GGCX: variants seen among roughly 807,000 people sequenced by gnomAD.
GGCX encodes the protein gamma-glutamyl carboxylase, also known as vitamin K-dependent gamma-carboxylase.
A neutral mutation model predicts 88.5 loss-of-function variants in GGCX; 63 were observed. That is an observed-to-expected ratio of 0.71 (90% CI 0.58 to 0.88). The LOEUF (loss-of-function observed/expected upper bound fraction) is 0.88. GGCX is among the 40% of genes least tolerant of loss of function. The pLI is 0.00. For missense variants in GGCX, 805 were observed against 932.9 expected, an observed-to-expected ratio of 0.86 and a Z score of 1.79; for synonymous variants, 368 against 365.8, an observed-to-expected ratio of 1.01 and a Z score of -0.07.
intron 2 of GGCX, 85 bp downstream of exon 2, chr2:85,560,730 G>A: frequency 2.9e-6 from 3 of 1,026,384 alleles, no homozygotes; most frequent in Non-Finnish European, 4.7e-6. Context: ...GAGGAAAAGG[G>A]AGCTAAGTCT....
intron 8 of GGCX, 75 bp from the exon 9 acceptor site, chr2:85,553,145 CA>C (rs1385717525): frequency 6.2e-7 from 1 of 1,606,540 alleles, no homozygotes; most frequent in Non-Finnish European, 8.5e-7. Context: ...GAAGGGGCTG[CA>C]AAACCAGCCC....
Position 85,551,205 on chromosome 2 carries a change from C to T in GGCX, c.1741-133G>A. 3 of 917,756 alleles carry T rather than the reference C, an allele frequency of 3.3e-6. No homozygotes were observed. In the East Asian group the frequency reaches 7.5e-5, roughly 23 times the overall value. The allele number at this position is 917,756 out of a possible 1,614,324, so 56.9% of individuals were successfully genotyped here. On this transcript the variant is annotated intron_variant, in intron 12 of 14. Transcript: ENST00000233838. ...ATCGAAAGTAACGGACCTCTAGAAT[C>T]CTGGATGAGGCTCTTCACAGTCCCA... is the stretch of plus-strand genomic sequence containing the variant.
chr2:85,545,410 C>G lies in GGCX; in HGVS notation c.*4524G>C, dbSNP rs1573311305. ...GTTGGAGGCTGTAGCGAACCATTAT[C>G]AAGCCACTGCACTCCAGCCTGGGTG... On this transcript the variant is annotated 3_prime_UTR_variant, in exon 15 of 15. Coordinates refer to ENST00000233838, the MANE Select transcript of GGCX (RefSeq NM_000821.7). The G allele has an allele frequency of 6.6e-6, 1 of 152,386 alleles. No individual in the cohort carries two copies. Among genetic ancestry groups the G allele is most frequent in the Non-Finnish European group, 1.5e-5 (1 of 68,042 alleles). The allele number at this position is 152,386 out of a possible 1,614,324, so 9.4% of individuals were successfully genotyped here.
intron 1 of GGCX, 93 bp downstream of exon 1, chr2:85,561,293 T>G: frequency 1.4e-4 from 42 of 299,286 alleles, no homozygotes; most frequent in Non-Finnish European, 2.0e-4. Flanking sequence ...CCCCCCCGCC[T>G]CACCGGGAGA....
At chr2:85,556,559 A>G (rs1200201054) in intron 4 of GGCX, among the ~76,000 whole-genome samples, 1 of 152,224 alleles carries the variant, frequency 6.6e-6, no homozygotes, top group African/African-American at 2.4e-5. Context: ...AAAATTACTG[A>G]AAAAGGGGAG....
At chr2:85,550,504 A>C (rs1476395720) in intron 14 of GGCX, 51 bp downstream of exon 14, 1 of 1,386,068 alleles carries the variant, frequency 7.2e-7, no homozygotes, top group Non-Finnish European at 1.0e-6. Context: ...GGGGAAAGTT[A>C]CCAAGCTTGC....
Position 85,545,416 on chromosome 2 carries a change from A to G in GGCX, c.*4518T>C, listed in dbSNP as rs953366242. The G allele has an allele frequency of 1.3e-5, 2 of 152,412 alleles. No individual in the cohort carries two copies. The highest frequency in any genetic ancestry group is 4.8e-5 in the African/African-American group (2 of 41,438). The allele number at this position is 152,412 out of a possible 1,614,324, so 9.4% of individuals were successfully genotyped here. On this transcript the variant is annotated 3_prime_UTR_variant, in exon 15 of 15. Coordinates refer to ENST00000233838, the MANE Select transcript of GGCX (RefSeq NM_000821.7). The stretch of plus-strand genomic sequence containing the variant: ...GGCTGTAGCGAACCATTATCAAGCC[A>G]CTGCACTCCAGCCTGGGTGACTGAG...
intron 4 of GGCX, among the ~76,000 whole-genome samples, chr2:85,557,638 G>A (rs1288096499): frequency 6.6e-6 from 1 of 152,122 alleles, no homozygotes; most frequent in East Asian, 1.9e-4. Flanking sequence ...CGGACACAGT[G>A]GCTCATGCCT....
chr2:85,559,248 G>T (rs1437809099), intron 2 of GGCX, among the ~76,000 whole-genome samples, 173 bp from the exon 3 acceptor site: 1 of 152,186 alleles, frequency 6.6e-6, no homozygotes, highest in African/African-American at 2.4e-5. Context: ...TACTACATCT[G>T]TTGTGCCATC....
Position 85,547,534 on chromosome 2 carries a change from T to C in GGCX, c.*2400A>G, listed in dbSNP as rs1287851104. ...TTGCCCATATTTAGAAAAATACTTTTTCAAGTGTCTTCTCCCAAGTAACTC... is the reference window on the plus strand; with the variant it reads ...TTGCCCATATTTAGAAAAATACTTTCTCAAGTGTCTTCTCCCAAGTAACTC... On this transcript the variant is annotated 3_prime_UTR_variant, in exon 15 of 15. Transcript: ENST00000233838. 6.6e-6 allele frequency: 1 copy of C among 152,246 alleles called. No homozygotes were observed. Among genetic ancestry groups the C allele is most frequent in the African/African-American group, 2.4e-5 (1 of 41,456 alleles). The allele number at this position is 152,246 out of a possible 1,614,324, so 9.4% of individuals were successfully genotyped here.
chr2:85,555,631 C>CT (rs750480507), intron 5 of GGCX, 41 bp from the exon 6 acceptor site: 2 of 1,073,284 alleles, frequency 1.9e-6, no homozygotes, highest in South Asian at 2.5e-5. Context: ...CAAAAAGAAT[C>CT]TTTTCTACAG....
rs1484591520 is a variant in GGCX, at chr2:85,545,419, GC to G, written c.*4514del. 3 of 152,380 alleles carry G rather than the reference GC, an allele frequency of 2.0e-5. No homozygotes were observed. The highest frequency in any genetic ancestry group is 2.1e-4 in the South Asian group (1 of 4,832). 9.4% of individuals were successfully genotyped at this position (152,380 alleles called of 1,614,324 possible). On this transcript the variant is annotated 3_prime_UTR_variant, in exon 15 of 15. Coordinates refer to ENST00000233838, the MANE Select transcript of GGCX (RefSeq NM_000821.7). ...TGTAGCGAACCATTATCAAGCCACT[GC>G]ACTCCAGCCTGGGTGACTGAGACTT...
rs1691735101 is a variant in GGCX, at chr2:85,547,473, G to A, written c.*2461C>T. On this transcript the variant is annotated 3_prime_UTR_variant, in exon 15 of 15. Coordinates refer to ENST00000233838, the MANE Select transcript of GGCX (RefSeq NM_000821.7). ...CTTCCTTGGGAAAATTGGTCAGAGA[G>A]GTGGTATACTAACAGTTTGGGGAAG... 1 of 152,140 alleles carries A rather than the reference G, an allele frequency of 6.6e-6. No homozygotes were observed. Among genetic ancestry groups the A allele is most frequent in the Non-Finnish European group, 1.5e-5 (1 of 68,018 alleles). The allele number at this position is 152,140 out of a possible 1,614,324, so 9.4% of individuals were successfully genotyped here. A position where few individuals can be genotyped will look rare whatever the true frequency, so the allele number is the denominator to read the frequency against.
chr2:85,552,206 T>G (rs1191378208), intron 10 of GGCX, among the ~76,000 whole-genome samples: 1 of 152,180 alleles, frequency 6.6e-6, no homozygotes, highest in Non-Finnish European at 1.5e-5. Flanking sequence ...ATGTCAACAG[T>G]GTCTAAAAGA....
At chr2:85,559,295 A>G (rs1432055282) in intron 2 of GGCX, among the ~76,000 whole-genome samples, 2 of 152,306 alleles carry the variant, frequency 1.3e-5, no homozygotes, top group Admixed American at 6.5e-5. Flanking sequence ...CCAATTCCCC[A>G]TTTGTGAGAA....
At chr2:85,555,352 G>A in intron 6 of GGCX, 132 bp downstream of exon 6, 1 of 669,234 alleles carries the variant, frequency 1.5e-6, no homozygotes, top group East Asian at 2.8e-5. Context: ...CTGCTGAATA[G>A]GGAAATGAGT....
intron 9 of GGCX, 61 bp downstream of exon 9, chr2:85,552,878 C>A (rs1400520545): frequency 1.5e-5 from 24 of 1,591,924 alleles, no homozygotes; most frequent in Middle Eastern, 1.7e-4. Flanking sequence ...AAGACAAAAC[C>A]AGACCCCAAA....
intron 3 of GGCX, 89 bp downstream of exon 3, chr2:85,558,827 TA>T: frequency 5.8e-6 from 7 of 1,207,938 alleles, no homozygotes; most frequent in Non-Finnish European, 7.4e-6. Context: ...AGAAGTGAAA[TA>T]AGGTGCCAAA....
In GGCX at chr2:85,553,270, C is replaced by T. The variant is rs760184467; in HGVS notation, c.1117G>A (p.Glu373Lys). 6 of 1,614,252 alleles carry T rather than the reference C, an allele frequency of 3.7e-6. No individual in the cohort carries two copies. Among genetic ancestry groups the T allele is most frequent in the Non-Finnish European group, 5.1e-6 (6 of 1,180,046 alleles). The change falls in exon 8 of 15, where the codon GAG (glutamate) becomes AAG (lysine). Residue 373 changes from glutamate (E) to lysine (K), a missense_variant. Coordinates refer to ENST00000233838, the MANE Select transcript of GGCX (RefSeq NM_000821.7). ...TGAGAATAGGGCAGGAATAGCTGCT[C>T]CAGGAGGTAGAGCAGGGTGAAGGCA... ...GAAFTLLYLL[E>K]QLFLPYSHFL...
Sources: allele counts gnomAD v4.1 joint callset (sites outside exome capture counted in the v4.1 genomes callset), GRCh38; gene constraint gnomAD v4.1.1; transcripts MANE v1.5; gene names NCBI Gene and HGNC (gene_info 2026-07-23, HGNC 2026-07-21).